The following OPRM1 variants were observed in gnomAD, a reference collection of about 807,000 sequenced individuals.
OPRM1 encodes mu-type opioid receptor.
OPRM1 carries 27 observed loss-of-function variants against 31.8 expected under a neutral mutation model. That is an observed-to-expected ratio of 0.85 (90% CI 0.63 to 1.17). OPRM1 has a LOEUF of 1.17. Ranked by LOEUF, OPRM1 falls within the 50% of genes most tolerant of loss-of-function variation. The pLI is 0.00. For synonymous variants in OPRM1, 196 were observed against 189.9 expected (o/e 1.03, Z -0.26); for missense variants, 536 against 511.1 (o/e 1.05, Z -0.47).
chr6:154,199,989 A>G (rs1419429345), intron 3 of OPRM1: 1 of 1,614,088 alleles, frequency 6.2e-7, no homozygotes, highest in Non-Finnish European at 8.5e-7. Flanking sequence ...GAAGAGAAAG[A>G]ATACGACGTT....
intron 1 of OPRM1, among the ~76,000 whole-genome samples, chr6:154,085,315 A>G (rs566421819): frequency 1.7e-4 from 26 of 152,210 alleles, no homozygotes; most frequent in Non-Finnish European, 2.9e-4. Flanking sequence ...CTTTTCCCCA[A>G]CACTTCTGGA....
intron 2 of OPRM1, among the ~76,000 whole-genome samples, chr6:154,090,729 C>T (rs1383672493): frequency 1.3e-5 from 2 of 152,038 alleles, no homozygotes; most frequent in African/African-American, 4.8e-5. Context: ...TTAATGTGAT[C>T]GAAGTGGACT....
chr6:154,031,876 C>T (rs1779028749), intron 1 of OPRM1, among the ~76,000 whole-genome samples: 1 of 152,268 alleles, frequency 6.6e-6, no homozygotes, highest in East Asian at 1.9e-4. Flanking sequence ...TCATGGTGAG[C>T]TAGGAGCAAA....
chr6:154,153,344 T>G (rs1251284842), intron 3 of OPRM1, among the ~76,000 whole-genome samples: 1 of 152,156 alleles, frequency 6.6e-6, no homozygotes, highest in African/African-American at 2.4e-5. Context: ...TTCAAATAGA[T>G]TCACCTGGAT....
downstream of OPRM1, among the ~76,000 whole-genome samples, chr6:154,135,484 G>GATAGATGATATAGATATAGAT (rs1798034596): frequency 6.9e-6 from 1 of 144,366 alleles, no homozygotes; most frequent in African/African-American, 2.6e-5. Context: ...AAAATATATA[G>GATAGATGATATAGATATAGAT]ATAGATATAG....
chr6:154,219,985 A>AGT (rs57450665), intron 3 of OPRM1, among the ~76,000 whole-genome samples: 11,664 of 139,996 alleles, frequency 0.083, 460 homozygotes, highest in Middle Eastern at 0.18. Context: ...ACCTGTAAGG[A>AGT]GTGTGTGTGT....
intron 3 of OPRM1, among the ~76,000 whole-genome samples, chr6:154,180,823 G>C (rs1800809044): frequency 6.6e-6 from 1 of 152,060 alleles, no homozygotes; most frequent in Non-Finnish European, 1.5e-5. Flanking sequence ...TTTCAGATTA[G>C]GAATGTCTAA....
chr6:154,151,138 G>A (rs888410400), intron 3 of OPRM1, among the ~76,000 whole-genome samples: 3 of 152,146 alleles, frequency 2.0e-5, no homozygotes, highest in Non-Finnish European at 2.9e-5. Flanking sequence ...ACCAAGGAGC[G>A]CCCATCTCTC....
At chr6:154,141,072 A>G (rs1240013964) in intron 3 of OPRM1, among the ~76,000 whole-genome samples, 1 of 152,184 alleles carries the variant, frequency 6.6e-6, no homozygotes, top group Non-Finnish European at 1.5e-5. Context: ...GTCACTCTCA[A>G]ACTAGAATCA....
chr6:154,065,237 C>T (rs1429415348), intron 1 of OPRM1, among the ~76,000 whole-genome samples: 2 of 151,476 alleles, frequency 1.3e-5, no homozygotes, highest in African/African-American at 2.4e-5. Context: ...GCAACCTCCA[C>T]CTCCCGGGTT....
chr6:154,088,902 G>A (rs926206654), intron 1 of OPRM1, among the ~76,000 whole-genome samples: 1 of 152,078 alleles, frequency 6.6e-6, no homozygotes, highest in African/African-American at 2.4e-5. Flanking sequence ...CTACATCTTT[G>A]TTGGGGTTCT....
chr6:154,149,399 C>A (rs141222479), intron 3 of OPRM1, among the ~76,000 whole-genome samples: 2 of 152,034 alleles, frequency 1.3e-5, no homozygotes, highest in East Asian at 3.9e-4. Flanking sequence ...TCCCATGACA[C>A]GTGGGATTAT....
intron 3 of OPRM1, among the ~76,000 whole-genome samples, chr6:154,140,535 G>A (rs1798175465): frequency 6.6e-6 from 1 of 151,988 alleles, no homozygotes; most frequent in African/African-American, 2.4e-5. Context: ...TCGCCATGTT[G>A]GCCAGGCTGG....
chr6:154,043,296 A>T (rs928572481), intron 1 of OPRM1, among the ~76,000 whole-genome samples: 3 of 152,172 alleles, frequency 2.0e-5, no homozygotes, highest in Non-Finnish European at 4.4e-5. Flanking sequence ...GCATTTAAAT[A>T]CGTGCAAGAT....
chr6:154,152,639 T>C (rs145698712), intron 3 of OPRM1, among the ~76,000 whole-genome samples: 24 of 152,316 alleles, frequency 1.6e-4, no homozygotes, highest in African/African-American at 5.8e-4. Context: ...TTTAATGCTT[T>C]GTCTTTAAAT....
chr6:154,230,069 C>T (rs1779603246), intron 3 of OPRM1, among the ~76,000 whole-genome samples: 1 of 152,016 alleles, frequency 6.6e-6, no homozygotes, highest in Admixed American at 6.5e-5. Context: ...GGGGTGGGAA[C>T]TGACTGTAAA....
chr6:154,234,018 G>A (rs536674443), intron 3 of OPRM1, among the ~76,000 whole-genome samples: 1 of 152,206 alleles, frequency 6.6e-6, no homozygotes, highest in Admixed American at 6.5e-5. Flanking sequence ...AGACCAGCCT[G>A]GGCAACACAG....
At chr6:154,039,075 T>A, upstream of OPRM1, 1 of 1,428,894 alleles carries the variant, frequency 7.0e-7, no homozygotes, top group Non-Finnish European at 9.4e-7. Context: ...AATTGAGTGA[T>A]GTTAGCCCCC....
intron 3 of OPRM1, chr6:154,154,406 A>C (rs990092146): frequency 1.1e-4 from 17 of 152,254 alleles, no homozygotes; most frequent in African/African-American, 4.1e-4. Context: ...GTCCAATGGC[A>C]ATTTTTGAAA....
Sources: allele counts gnomAD v4.1 joint callset (sites outside exome capture counted in the v4.1 genomes callset), GRCh38; gene constraint gnomAD v4.1.1; transcripts MANE v1.5; gene names NCBI Gene and HGNC (gene_info 2026-07-23, HGNC 2026-07-21).